Variants in ERC1 observed in about 807,000 individuals in gnomAD.
ERC1 encodes RAB6 interacting protein 2.
Under a neutral mutation model 132.0 loss-of-function variants are expected in ERC1, and 56 were observed. The ratio of observed to expected loss-of-function variants is 0.42; its 90% CI spans 0.34 to 0.53. ERC1 has a LOEUF of 0.53. ERC1 is among the 20% of genes least tolerant of loss of function. ERC1 has a pLI of 0.03. For missense variants in ERC1, 1,202 were observed against 1,349.9 expected (o/e 0.89, Z 1.72); for synonymous variants, 478 against 476.1 (o/e 1.00, Z -0.05).
At chr12:1,168,479 CTTTTTTTTTTT>C (rs746267742) in intron 8 of ERC1, among the ~76,000 whole-genome samples, 17 of 91,968 alleles carry the variant, frequency 1.8e-4, no homozygotes, top group African/African-American at 6.4e-4. Flanking sequence ...AGTGACTGGT[CTTTTTTTTTTT>C]TTTTTTTTTT....
intron 2 of ERC1, among the ~76,000 whole-genome samples, chr12:1,033,470 C>CTT (rs1053660743): frequency 7.1e-6 from 1 of 140,312 alleles, no homozygotes; most frequent in Non-Finnish European, 1.6e-5. Context: ...CGCACCCAGC[C>CTT]TTTTTTTTTT....
At chr12:1,121,703 C>G (rs76937463) in intron 7 of ERC1, among the ~76,000 whole-genome samples, 1 of 50,302 alleles carries the variant, frequency 2.0e-5, no homozygotes, top group African/African-American at 6.5e-5. Context: ...ATCTCTATCT[C>G]TATCTGTGTC....
chr12:1,431,197 C>A (rs1183161830), intron 17 of ERC1, among the ~76,000 whole-genome samples: 2 of 152,112 alleles, frequency 1.3e-5, no homozygotes, highest in Admixed American at 1.3e-4. Context: ...GATCAAGTCA[C>A]CCCTCAGGAT....
intron 18 of ERC1, among the ~76,000 whole-genome samples, chr12:1,447,662 G>GTTTTT: frequency 6.6e-6 from 1 of 150,460 alleles, no homozygotes; most frequent in South Asian, 2.1e-4. Flanking sequence ...TTTTGTTTTT[G>GTTTTT]TTTTGGAGAC....
At chr12:1,224,977 TAAAAAGAAAGAA>T (rs2074439060) in intron 12 of ERC1, among the ~76,000 whole-genome samples, 1 of 151,498 alleles carries the variant, frequency 6.6e-6, no homozygotes, top group Admixed American at 6.6e-5. Context: ...AGACCTTGTC[TAAAAAGAAAGAA>T]AGAAAGAAAA....
intron 7 of ERC1, among the ~76,000 whole-genome samples, chr12:1,139,054 A>T (rs1384238855): frequency 6.6e-6 from 1 of 152,242 alleles, no homozygotes; most frequent in Non-Finnish European, 1.5e-5. Flanking sequence ...TGAGGATTTT[A>T]ATGTATATAC....
Position 1,109,426 on chromosome 12 carries a change from G to A in ERC1, c.1162-766G>A, listed in dbSNP as rs114350411. On this transcript the variant is annotated intron_variant, in intron 4 of 18. Coordinates refer to ENST00000360905, the MANE Select transcript of ERC1 (RefSeq NM_178040.4). The stretch of plus-strand genomic sequence containing the variant: ...TGCACATATAGCTGTACACGTTACT[G>A]TATAAATCTTTGAAACCCTCTTACT... 3.3e-3 allele frequency among the ~76,000 whole-genome samples: 496 copies of A among 152,260 alleles called. 3 individuals are homozygous for A. Among genetic ancestry groups the A allele is most frequent in the African/African-American group, 0.011 (474 of 41,552 alleles).
intron 15 of ERC1, among the ~76,000 whole-genome samples, chr12:1,295,770 A>G (rs2079873521): frequency 6.6e-6 from 1 of 152,130 alleles, no homozygotes; most frequent in African/African-American, 2.4e-5. Flanking sequence ...TCAGCAGATC[A>G]GCATACCAAA....
intron 2 of ERC1, among the ~76,000 whole-genome samples, chr12:1,060,703 G>A (rs1218115932): frequency 6.6e-6 from 1 of 150,790 alleles, no homozygotes; most frequent in Admixed American, 6.7e-5. Flanking sequence ...CTTCCCTTGG[G>A]TCCTTCACAT....
At chr12:1,228,477 A>G (rs2074773586) in intron 12 of ERC1, among the ~76,000 whole-genome samples, 1 of 152,134 alleles carries the variant, frequency 6.6e-6, no homozygotes. Flanking sequence ...AGGTCATGTC[A>G]TTTGCAAATA....
chr12:1,189,934 A>G lies in ERC1; in HGVS notation c.2233A>G (p.Thr745Ala). 4.3e-6 allele frequency: 7 copies of G among 1,614,140 alleles called. No homozygotes were observed. In the South Asian group the frequency reaches 6.6e-5, roughly 15 times the overall value. ...DRIQHLEREI[T>A]RYKDESSKAQ... ...AATACAGCACTTGGAGAGAGAGATC[A>G]CCAGGTACAAAGATGAATCTAGCAA... The change falls in exon 12 of 19, where the codon ACC (threonine) becomes GCC (alanine). Residue 745 changes from threonine (T) to alanine (A), a missense_variant. Transcript: ENST00000360905.
At chr12:1,332,273 G>T (rs554117523) in intron 15 of ERC1, among the ~76,000 whole-genome samples, 5 of 152,190 alleles carry the variant, frequency 3.3e-5, no homozygotes, top group African/African-American at 1.2e-4. Flanking sequence ...TTCATAGCCT[G>T]CTGTATCTGT....
intron 6 of ERC1, among the ~76,000 whole-genome samples, chr12:1,114,094 G>A (rs1396563423): frequency 6.6e-6 from 1 of 152,036 alleles, no homozygotes; most frequent in Non-Finnish European, 1.5e-5. Flanking sequence ...CGAGATCTCG[G>A]CTCACTGCAA....
chr12:1,223,429 G>A (rs2074322628), intron 12 of ERC1, among the ~76,000 whole-genome samples: 2 of 152,166 alleles, frequency 1.3e-5, no homozygotes, highest in Admixed American at 6.5e-5. Context: ...TATCCCCTGG[G>A]AACCTCGTTA....
At chr12:1,388,345 C>CAAAAA (rs34634557) in intron 16 of ERC1, among the ~76,000 whole-genome samples, 1 of 85,078 alleles carries the variant, frequency 1.2e-5, no homozygotes, top group Non-Finnish European at 2.4e-5. Context: ...GACTCTGTCT[C>CAAAAA]AAAAAAAAAA....
intron 14 of ERC1, 98 bp downstream of exon 14, chr12:1,263,263 A>G (rs2077257613): frequency 8.1e-7 from 1 of 1,228,236 alleles, no homozygotes; most frequent in South Asian, 1.5e-5. Flanking sequence ...TTGTATGTTT[A>G]TAGGGTTTCA....
chr12:1,124,785 A>G (rs1947964734), intron 7 of ERC1, among the ~76,000 whole-genome samples: 1 of 152,126 alleles, frequency 6.6e-6, no homozygotes. Flanking sequence ...ATAATATAAG[A>G]CAACTCTAAA....
intron 12 of ERC1, among the ~76,000 whole-genome samples, chr12:1,218,855 C>T (rs530407015): frequency 2.7e-4 from 38 of 140,124 alleles, no homozygotes; most frequent in Middle Eastern, 7.7e-3. Context: ...CACACACACA[C>T]ATATATATAT....
intron 1 of ERC1, among the ~76,000 whole-genome samples, chr12:994,952 T>TG (rs1402903302): frequency 6.6e-6 from 1 of 151,860 alleles, no homozygotes; most frequent in Non-Finnish European, 1.5e-5. Flanking sequence ...AACAATTAGC[T>TG]GGGGGTGGTG....
Sources: gnomAD v4.1 joint callset for allele counts (sites outside exome capture counted in the v4.1 genomes callset) on GRCh38, gnomAD v4.1.1 for gene constraint, MANE v1.5 for transcripts, NCBI Gene and HGNC (gene_info 2026-07-23, HGNC 2026-07-21) for gene names.